Variants in GABBR2 observed in about 807,000 individuals in gnomAD.
The protein encoded by GABBR2 is G-protein coupled receptor 51.
Under a neutral mutation model 105.6 loss-of-function variants are expected in GABBR2, and 23 were observed. The observed-to-expected ratio is 0.22, with a 90% CI of 0.16 to 0.31. GABBR2 has a LOEUF of 0.31. Ranked by LOEUF, GABBR2 falls within the 10% of genes least tolerant of loss-of-function variation. The pLI, the probability that GABBR2 is intolerant of heterozygous loss-of-function variation, is 1.00. For missense variants in GABBR2, 734 were observed against 1,245.5 expected (o/e 0.59, Z 6.18); for synonymous variants, 478 against 499.7 (o/e 0.96, Z 0.58).
intron 1 of GABBR2, chr9:98,607,724 C>T (rs571173714): frequency 2.6e-6 from 2 of 769,084 alleles, no homozygotes; most frequent in East Asian, 4.9e-5. Flanking sequence ...AAAGAGGTTA[C>T]TAATAATGTC....
At chr9:98,677,277 C>T (rs1172178071) in intron 1 of GABBR2, among the ~76,000 whole-genome samples, 1 of 152,220 alleles carries the variant, frequency 6.6e-6, no homozygotes, top group Admixed American at 6.5e-5. Flanking sequence ...GTCTGGCAAA[C>T]TGCACACTGG....
At chr9:98,558,993 G>C (rs1249016089) in intron 2 of GABBR2, among the ~76,000 whole-genome samples, 1 of 152,088 alleles carries the variant, frequency 6.6e-6, no homozygotes, top group Non-Finnish European at 1.5e-5. Context: ...GACTCAATTT[G>C]GTTTTTTTTC....
At chr9:98,356,891 C>G (rs369027375) in intron 13 of GABBR2, among the ~76,000 whole-genome samples, 1 of 151,326 alleles carries the variant, frequency 6.6e-6, no homozygotes, top group Non-Finnish European at 1.5e-5. Flanking sequence ...AATGAGCTAT[C>G]AAACCACAAA....
At chr9:98,332,390 T>C (rs28653687) in intron 13 of GABBR2, among the ~76,000 whole-genome samples, 10,998 of 152,192 alleles carry the variant, frequency 0.072, 523 homozygotes, top group African/African-American at 0.13. Flanking sequence ...TTGACCTCCT[T>C]CTATGTGCCA....
intron 4 of GABBR2, among the ~76,000 whole-genome samples, chr9:98,481,231 C>G (rs1826916604): frequency 6.6e-6 from 1 of 152,218 alleles, no homozygotes; most frequent in Non-Finnish European, 1.5e-5. Flanking sequence ...GTCTCATGGG[C>G]AAGCCCTAGG....
At chr9:98,502,827 C>A (rs1460376740) in intron 3 of GABBR2, among the ~76,000 whole-genome samples, 4 of 152,228 alleles carry the variant, frequency 2.6e-5, no homozygotes, top group Admixed American at 2.0e-4. Context: ...GGCTTCTGAA[C>A]TTGAGTACCT....
intron 3 of GABBR2, among the ~76,000 whole-genome samples, chr9:98,533,804 A>G (rs1251836522): frequency 6.6e-6 from 1 of 152,172 alleles, no homozygotes. Flanking sequence ...CTGCCAAGAG[A>G]GAAGCCAGCA....
chr9:98,378,626 C>T (rs1831919358), intron 11 of GABBR2, among the ~76,000 whole-genome samples: 1 of 152,124 alleles, frequency 6.6e-6, no homozygotes, highest in African/African-American at 2.4e-5. Context: ...ATGCAGAGGC[C>T]CCCTTCTAGA....
chr9:98,416,926 T>C (rs150374093), intron 7 of GABBR2, among the ~76,000 whole-genome samples: 3 of 150,980 alleles, frequency 2.0e-5, no homozygotes, highest in Middle Eastern at 3.4e-3. Context: ...CCATCTACCA[T>C]GTGGTTTTGG....
intron 2 of GABBR2, among the ~76,000 whole-genome samples, chr9:98,568,785 G>A (rs1359087826): frequency 6.6e-6 from 1 of 152,140 alleles, no homozygotes; most frequent in East Asian, 1.9e-4. Context: ...CCTTCTGTGG[G>A]TTCCTTCTTC....
At chr9:98,502,340 T>A (rs1827417527) in intron 3 of GABBR2, among the ~76,000 whole-genome samples, 1 of 152,162 alleles carries the variant, frequency 6.6e-6, no homozygotes. Context: ...AAGGCCACAG[T>A]GCCACTCCAC....
intron 5 of GABBR2, among the ~76,000 whole-genome samples, chr9:98,476,379 A>T (rs1353834889): frequency 6.6e-6 from 1 of 152,210 alleles, no homozygotes; most frequent in Non-Finnish European, 1.5e-5. Context: ...TTTCTAACCT[A>T]GCTTCTGACT....
chr9:98,370,311 G>C (rs868160642), intron 12 of GABBR2, among the ~76,000 whole-genome samples: 1 of 152,120 alleles, frequency 6.6e-6, no homozygotes, highest in African/African-American at 2.4e-5. Context: ...CATTTCACCT[G>C]CATCAAGAGG....
At chr9:98,475,869 C>A (rs963745254) in intron 5 of GABBR2, among the ~76,000 whole-genome samples, 1 of 152,156 alleles carries the variant, frequency 6.6e-6, no homozygotes, top group African/African-American at 2.4e-5. Flanking sequence ...TCAAGACCAG[C>A]CTGGCCAACA....
chr9:98,434,058 A>G (rs1441735264), intron 7 of GABBR2, among the ~76,000 whole-genome samples: 1 of 152,184 alleles, frequency 6.6e-6, no homozygotes, highest in Non-Finnish European at 1.5e-5. Context: ...TCCACCCTCA[A>G]TCTGAGTGGG....
At chr9:98,596,736 C>A (rs899194420) in intron 1 of GABBR2, among the ~76,000 whole-genome samples, 2 of 152,172 alleles carry the variant, frequency 1.3e-5, no homozygotes, top group East Asian at 1.9e-4. Flanking sequence ...TCCATCCTTA[C>A]GCTTGCATTC....
chr9:98,675,209 C>T (rs922783161), intron 1 of GABBR2, among the ~76,000 whole-genome samples: 2 of 152,190 alleles, frequency 1.3e-5, no homozygotes, highest in Non-Finnish European at 2.9e-5. Context: ...CAAGTGGTGA[C>T]TTCCCAGCAA....
chr9:98,693,442 GC>G (rs1300404371), intron 1 of GABBR2, among the ~76,000 whole-genome samples: 1 of 152,152 alleles, frequency 6.6e-6, no homozygotes, highest in Non-Finnish European at 1.5e-5. Flanking sequence ...CCATGCTCTG[GC>G]CCCCACTCAA....
intron 2 of GABBR2, among the ~76,000 whole-genome samples, chr9:98,551,041 C>T (rs146068151): frequency 6.6e-6 from 1 of 152,264 alleles, no homozygotes; most frequent in African/African-American, 2.4e-5. Context: ...ACCACCCAAT[C>T]GGCCAGCCAC....
Sources: allele counts gnomAD v4.1 joint callset (sites outside exome capture counted in the v4.1 genomes callset), GRCh38; gene constraint gnomAD v4.1.1; transcripts MANE v1.5; gene names NCBI Gene and HGNC (gene_info 2026-07-23, HGNC 2026-07-21).